ZNF625: variants seen among roughly 807,000 people sequenced by gnomAD.
ZNF625 encodes zinc finger protein 625.
In ZNF625, 8 loss-of-function variants were observed where a neutral mutation model predicts 11.1. The observed-to-expected ratio is 0.72, with a 90% CI of 0.42 to 1.30. The LOEUF is 1.30. Ranked by LOEUF, ZNF625 falls within the 50% of genes most tolerant of loss-of-function variation. The pLI, the probability that ZNF625 is intolerant of heterozygous loss-of-function variation, is 0.01. For missense variants in ZNF625, 349 were observed against 447.6 expected, an observed-to-expected ratio of 0.78 and a Z score of 1.99; for synonymous variants, 145 against 153.4, an observed-to-expected ratio of 0.95 and a Z score of 0.41.
At chr19:12,147,294 C>CAGTG (rs1976890634) in intron 3 of ZNF625, 101 bp downstream of exon 3, 1 of 1,098,904 alleles carries the variant, frequency 9.1e-7, no homozygotes, top group Non-Finnish European at 1.3e-6. Flanking sequence ...AGAATAAATA[C>CAGTG]AGTGGAACTT....
intron 1 of ZNF625, among the ~76,000 whole-genome samples, chr19:12,148,973 T>G (rs535560746): frequency 6.6e-6 from 1 of 150,944 alleles, no homozygotes; most frequent in East Asian, 1.9e-4. Flanking sequence ...TATTTTCAAT[T>G]AAAAAAAAAT....
intron 3 of ZNF625, among the ~76,000 whole-genome samples, chr19:12,146,745 G>C: frequency 6.6e-6 from 1 of 152,042 alleles, no homozygotes; most frequent in Non-Finnish European, 1.5e-5. Context: ...ACTATTTTCA[G>C]GTAAACTATT....
rs1047300834 is a variant in ZNF625 at position 12,145,191 on chromosome 19, A to G, written c.*106T>C. ...TTATTTCTGAATGCTGTCAAATGACAGTGACTGCAGAAGCTTCAGAATAAT... is the reference window on the plus strand; with the variant it reads ...TTATTTCTGAATGCTGTCAAATGACGGTGACTGCAGAAGCTTCAGAATAAT... On this transcript the variant is annotated 3_prime_UTR_variant, in exon 4 of 4. Transcript: ENST00000439556. 1.1e-5 allele frequency: 15 copies of G among 1,312,938 alleles called. No individual in the cohort carries two copies. Among genetic ancestry groups the G allele is most frequent in the Non-Finnish European group, 1.6e-5 (15 of 957,820 alleles). The allele number at this position is 1,312,938 out of a possible 1,614,324, so 81.3% of individuals were successfully genotyped here.
At chr19:12,155,134 G>A (rs771146634) in intron 1 of ZNF625, among the ~76,000 whole-genome samples, 12 of 151,570 alleles carry the variant, frequency 7.9e-5, no homozygotes, top group Non-Finnish European at 1.5e-4. Flanking sequence ...GCTGAGGCAG[G>A]AGAATTGCTT....
In ZNF625 at chr19:12,145,021, G is replaced by A. The variant is rs982680982; in HGVS notation, c.*276C>T. The A allele has an allele frequency of 1.4e-4, 50 of 350,778 alleles. No homozygotes were observed. The South Asian group carries it at 1.4e-3, about 10-fold the overall frequency. The allele number at this position is 350,778 out of a possible 1,614,324, so 21.7% of individuals were successfully genotyped here. A position where few individuals can be genotyped will look rare whatever the true frequency, so the allele number is the denominator to read the frequency against. On this transcript the variant is annotated 3_prime_UTR_variant, in exon 4 of 4. Coordinates refer to ENST00000439556, the MANE Select transcript of ZNF625 (RefSeq NM_145233.4). ...GAGCCACTGCACCCGGCCAAACCTC[G>A]TATTTTTTTTATGACAGAACTGTCT...
At chr19:12,151,609 G>A (rs1041864395) in intron 1 of ZNF625, among the ~76,000 whole-genome samples, 5 of 151,948 alleles carry the variant, frequency 3.3e-5, no homozygotes, top group African/African-American at 4.8e-5. Flanking sequence ...TCGGTCTCCT[G>A]ACCTCGTGAT....
chr19:12,150,337 A>T (rs945407541), intron 1 of ZNF625, among the ~76,000 whole-genome samples: 7 of 152,106 alleles, frequency 4.6e-5, no homozygotes, highest in Non-Finnish European at 1.0e-4. Context: ...TCCCTCTTTG[A>T]CAAGGCTTTG....
intron 1 of ZNF625, among the ~76,000 whole-genome samples, chr19:12,150,268 A>G (rs1313583616): frequency 2.0e-5 from 3 of 152,296 alleles, no homozygotes; most frequent in South Asian, 4.1e-4. Flanking sequence ...GAAGGGAATC[A>G]GAAATGTAAG....
chr19:12,147,820 T>C lies in ZNF625; in HGVS notation c.4-18A>G, dbSNP rs2145609764. On this transcript the variant is annotated intron_variant, in intron 1 of 3. Transcript: ENST00000439556. ...ACTGAATCCTGAAACATCCCACATG[T>C]GTAAAGAAACATGGGTGAGACTGAC... 2 of 1,613,034 alleles carry C rather than the reference T, an allele frequency of 1.2e-6. No homozygotes were observed. Among genetic ancestry groups the C allele is most frequent in the South Asian group, 2.2e-5 (2 of 90,962 alleles).
In ZNF625 at chr19:12,146,013, A is replaced by G. The variant is rs1255065241; in HGVS notation, c.403T>C (p.Tyr135His). 1 of 1,614,156 alleles carries G rather than the reference A, an allele frequency of 6.2e-7. No homozygotes were observed. Among genetic ancestry groups the G allele is most frequent in the South Asian group, 1.1e-5 (1 of 91,086 alleles). The change falls in exon 4 of 4, where the codon TAT becomes CAT. Residue 135 changes from tyrosine (Y) to histidine (H), a missense_variant. Physicochemically the swap from Tyr to His is moderately conservative, Grantham distance 83. Coordinates refer to ENST00000439556, the MANE Select transcript of ZNF625 (RefSeq NM_145233.4). ...GCTTTCTTACAGTATGTACATTTAT[A>G]TGGCTTCTGTCCATATTCCTGATAC... ...YEYQEYGQKP[Y>H]KCTYCKKAFS...
chr19:12,155,621 T>C (rs1977015728), intron 1 of ZNF625, among the ~76,000 whole-genome samples: 1 of 152,206 alleles, frequency 6.6e-6, no homozygotes. Flanking sequence ...TGGGGACCAC[T>C]TACTCGAGGC....
At position 12,145,057 on chromosome 19, in the gene ZNF625, C is replaced by T; in HGVS notation, c.*240G>A. 5.9e-6 allele frequency: 3 copies of T among 512,280 alleles called. No homozygotes were observed. Among genetic ancestry groups the T allele is most frequent in the East Asian group, 3.3e-5 (1 of 30,172 alleles). 31.7% of individuals were successfully genotyped at this position (512,280 alleles called of 1,614,324 possible). A position where few individuals can be genotyped will look rare whatever the true frequency, so the allele number is the denominator to read the frequency against. On this transcript the variant is annotated 3_prime_UTR_variant, in exon 4 of 4. Transcript: ENST00000439556. The stretch of plus-strand genomic sequence containing the variant: ...ATGACAGAACTGTCTTAAGGTCTTA[C>T]TGGAGGTGTGTCTCTCTTAAGAGTT...
intron 1 of ZNF625, among the ~76,000 whole-genome samples, chr19:12,152,095 A>G (rs1283210997): frequency 6.6e-6 from 1 of 152,186 alleles, no homozygotes; most frequent in Non-Finnish European, 1.5e-5. Flanking sequence ...ATATAAATTT[A>G]CACTATAACA....
chr19:12,146,970 A>ATTTTTTTTTTTTTTTTTTTTTT lies in ZNF625; in HGVS notation c.191+424_191+425insAAAAAAAAAAAAAAAAAAAAAA, dbSNP rs934558893. On this transcript the variant is annotated intron_variant, in intron 3 of 3. Transcript: ENST00000439556. ...CACACTTAAATATATGTTTTTAGAGATTTTTTTTTTTTTTGAGACGGAGTC... is the reference window on the plus strand; with the variant it reads ...CACACTTAAATATATGTTTTTAGAGATTTTTTTTTTTTTTTTTTTTTTTTTTTTTTTTTTTTGAGACGGAGTC... Among the ~76,000 whole-genome samples, 869 of 130,452 alleles carry ATTTTTTTTTTTTTTTTTTTTTT rather than the reference A, an allele frequency of 6.7e-3. 48 individuals are homozygous for ATTTTTTTTTTTTTTTTTTTTTT. Among genetic ancestry groups the ATTTTTTTTTTTTTTTTTTTTTT allele is most frequent in the East Asian group, 8.5e-3 (36 of 4,260 alleles). The allele number at this position is 130,452 out of a possible 152,430, so 85.6% of individuals were successfully genotyped here.
At chr19:12,149,147 C>T (rs920962894) in intron 1 of ZNF625, among the ~76,000 whole-genome samples, 1 of 151,198 alleles carries the variant, frequency 6.6e-6, no homozygotes, top group Admixed American at 6.6e-5. Context: ...GGTGTGGTGG[C>T]GGTGGCGTAT....
At chr19:12,147,558 C>T (rs1976894587) in intron 2 of ZNF625, 103 bp from the exon 3 acceptor site, 3 of 1,547,474 alleles carry the variant, frequency 1.9e-6, no homozygotes, top group Admixed American at 1.9e-5. Context: ...CATTTATTCA[C>T]ATTCCTATTC....
At chr19:12,151,009 A>G (rs1383512025) in intron 1 of ZNF625, among the ~76,000 whole-genome samples, 2 of 152,010 alleles carry the variant, frequency 1.3e-5, no homozygotes, top group Non-Finnish European at 2.9e-5. Context: ...TGAGGTTCCA[A>G]CTGAGATGGA....
intron 3 of ZNF625, 132 bp from the exon 4 acceptor site, chr19:12,146,356 C>G: frequency 3.9e-6 from 3 of 777,772 alleles, no homozygotes; most frequent in Non-Finnish European, 6.2e-6. Context: ...TGAACATGAA[C>G]AGACCACACA....
At chr19:12,152,887 T>C (rs762248174) in intron 1 of ZNF625, among the ~76,000 whole-genome samples, 5 of 151,022 alleles carry the variant, frequency 3.3e-5, no homozygotes, top group Non-Finnish European at 5.9e-5. Flanking sequence ...TAATACAAAG[T>C]AACTTCCTTA....
Sources: gnomAD v4.1 joint callset for allele counts (sites outside exome capture counted in the v4.1 genomes callset) on GRCh38, gnomAD v4.1.1 for gene constraint, MANE v1.5 for transcripts, NCBI Gene and HGNC (gene_info 2026-07-23, HGNC 2026-07-21) for gene names.